Variants in TSHZ2 observed in about 807,000 individuals in gnomAD.
TSHZ2 encodes the protein teashirt homolog 2.
TSHZ2 carries 21 observed loss-of-function variants against 74.4 expected under a neutral mutation model. The ratio of observed to expected loss-of-function variants is 0.28; its 90% CI spans 0.20 to 0.41. The LOEUF is 0.41. TSHZ2 is among the 10% of genes least tolerant of loss of function. The pLI, the probability that TSHZ2 is intolerant of heterozygous loss-of-function variation, is 1.00. For missense variants in TSHZ2, 1,244 were observed against 1,293.5 expected, an observed-to-expected ratio of 0.96 and a Z score of 0.59; for synonymous variants, 540 against 515.3, an observed-to-expected ratio of 1.05 and a Z score of -0.65.
intron 2 of TSHZ2, among the ~76,000 whole-genome samples, chr20:53,350,200 G>A (rs999302362): frequency 3.3e-5 from 5 of 152,190 alleles, no homozygotes; most frequent in Non-Finnish European, 7.3e-5. Flanking sequence ...ACTGGTTCTA[G>A]GGACTCGAAT....
intron 2 of TSHZ2, among the ~76,000 whole-genome samples, chr20:53,383,995 C>T (rs879697628): frequency 2.6e-4 from 40 of 152,252 alleles, no homozygotes; most frequent in Non-Finnish European, 4.4e-4. Context: ...AACCCTCTTC[C>T]GGATGACATG....
At chr20:53,191,853 G>T (rs929021854) in intron 1 of TSHZ2, among the ~76,000 whole-genome samples, 3 of 152,154 alleles carry the variant, frequency 2.0e-5, no homozygotes, top group Non-Finnish European at 2.9e-5. Context: ...ATGTCAGCAG[G>T]CATACATACA....
At chr20:53,083,471 A>G (rs1985596458) in intron 1 of TSHZ2, among the ~76,000 whole-genome samples, 1 of 152,202 alleles carries the variant, frequency 6.6e-6, no homozygotes, top group African/African-American at 2.4e-5. Flanking sequence ...TTTTTTCGCC[A>G]TATCTACTTC....
intron 1 of TSHZ2, among the ~76,000 whole-genome samples, chr20:53,082,347 G>A (rs1240807377): frequency 3.9e-5 from 6 of 152,242 alleles, no homozygotes; most frequent in South Asian, 2.1e-4. Context: ...GTAGGTGGTC[G>A]AGCCATAATA....
chr20:53,118,842 G>A (rs1986736605), intron 1 of TSHZ2, among the ~76,000 whole-genome samples: 1 of 152,206 alleles, frequency 6.6e-6, no homozygotes, highest in African/African-American at 2.4e-5. Context: ...ATAAAGAAAA[G>A]AGCCTGTTCC....
chr20:53,318,200 A>T (rs1348706085), intron 2 of TSHZ2, among the ~76,000 whole-genome samples: 1 of 152,218 alleles, frequency 6.6e-6, no homozygotes, highest in African/African-American at 2.4e-5. Flanking sequence ...AAGAATGCCT[A>T]AAAGTTCAGG....
At chr20:53,017,898 G>A (rs1379595727) in intron 1 of TSHZ2, among the ~76,000 whole-genome samples, 2 of 151,948 alleles carry the variant, frequency 1.3e-5, no homozygotes, top group Admixed American at 6.6e-5. Context: ...AACTTTCATG[G>A]GATTTTATTA....
intron 2 of TSHZ2, among the ~76,000 whole-genome samples, chr20:53,361,852 A>T (rs902900777): frequency 6.6e-6 from 1 of 152,168 alleles, no homozygotes; most frequent in Admixed American, 6.5e-5. Context: ...AGCCATGCAC[A>T]CAAAGCATCC....
chr20:53,337,744 G>A (rs967401315), intron 2 of TSHZ2, among the ~76,000 whole-genome samples: 2 of 152,184 alleles, frequency 1.3e-5, no homozygotes, highest in South Asian at 2.1e-4. Context: ...TTCCATGCGT[G>A]GCAGCTGAAA....
chr20:53,147,479 C>A (rs868237328), intron 1 of TSHZ2, among the ~76,000 whole-genome samples: 59 of 152,220 alleles, frequency 3.9e-4, no homozygotes, highest in African/African-American at 1.4e-3. Flanking sequence ...CTTAAATGTT[C>A]ACAAAGATTT....
intron 2 of TSHZ2, among the ~76,000 whole-genome samples, chr20:53,358,031 A>T (rs1174242960): frequency 1.3e-5 from 2 of 152,236 alleles, no homozygotes; most frequent in Non-Finnish European, 2.9e-5. Context: ...GGAAAGAACC[A>T]GGGAGAGATG....
At chr20:53,350,386 C>A (rs1980602520) in intron 2 of TSHZ2, among the ~76,000 whole-genome samples, 1 of 152,196 alleles carries the variant, frequency 6.6e-6, no homozygotes, top group East Asian at 1.9e-4. Flanking sequence ...GTTGGATGGA[C>A]CTCTAGGACG....
intron 1 of TSHZ2, among the ~76,000 whole-genome samples, chr20:53,199,132 T>C (rs142309634): frequency 6.6e-6 from 1 of 152,324 alleles, no homozygotes; most frequent in Non-Finnish European, 1.5e-5. Context: ...TTACAGAGCC[T>C]GACGTAGAGC....
At chr20:53,269,696 T>C (rs933187795) in intron 2 of TSHZ2, among the ~76,000 whole-genome samples, 4 of 152,164 alleles carry the variant, frequency 2.6e-5, no homozygotes, top group African/African-American at 9.7e-5. Context: ...AGAAAATCCA[T>C]GTCATTCACA....
In TSHZ2 at chr20:53,340,821, G is replaced by A. The variant is rs564466634; in HGVS notation, c.*8+84250G>A. Reference sequence around the variant, plus strand: ...CATGAGAGACAGCAGTGAGTAATGGGACAATCACCAAGCATGGGAGAGGGA... The same window carrying A: ...CATGAGAGACAGCAGTGAGTAATGGAACAATCACCAAGCATGGGAGAGGGA... On this transcript the variant is annotated intron_variant, in intron 2 of 2. Transcript: ENST00000371497. Among the ~76,000 whole-genome samples, 25 of 152,166 alleles carry A rather than the reference G, an allele frequency of 1.6e-4. No homozygotes were observed. The South Asian group carries it at 4.8e-3, about 29-fold the overall frequency.
chr20:53,334,703 A>T (rs1475171311), intron 2 of TSHZ2, among the ~76,000 whole-genome samples: 6 of 151,358 alleles, frequency 4.0e-5, no homozygotes, highest in East Asian at 1.9e-4. Flanking sequence ...TTTAAAAAAA[A>T]TTTTTTTTTG....
intron 1 of TSHZ2, among the ~76,000 whole-genome samples, chr20:53,201,895 T>G (rs6126782): frequency 0.049 from 7,412 of 152,250 alleles, 445 homozygotes; most frequent in East Asian, 0.31. Context: ...AAATGTGCCC[T>G]GGCTGACAAC....
At chr20:53,030,881 T>C (rs937843608) in intron 1 of TSHZ2, among the ~76,000 whole-genome samples, 1 of 152,226 alleles carries the variant, frequency 6.6e-6, no homozygotes, top group Non-Finnish European at 1.5e-5. Context: ...TTAAGGAGAA[T>C]ATCTTTTTCC....
At chr20:53,201,614 G>T (rs958233499) in intron 1 of TSHZ2, among the ~76,000 whole-genome samples, 6 of 152,272 alleles carry the variant, frequency 3.9e-5, no homozygotes, top group Non-Finnish European at 5.9e-5. Context: ...GACATTCACA[G>T]GTTCTGGACA....
Sources: gnomAD v4.1 joint callset for allele counts (sites outside exome capture counted in the v4.1 genomes callset) on GRCh38, gnomAD v4.1.1 for gene constraint, MANE v1.5 for transcripts, NCBI Gene and HGNC (gene_info 2026-07-23, HGNC 2026-07-21) for gene names.